ADCY9: variants seen among roughly 807,000 people sequenced by gnomAD.
ADCY9 encodes adenylate cyclase 9.
Under a neutral mutation model 101.5 loss-of-function variants are expected in ADCY9, and 50 were observed. That is an observed-to-expected ratio of 0.49 (90% confidence interval 0.39 to 0.62). The LOEUF (loss-of-function observed/expected upper bound fraction) is 0.62. Ranked by LOEUF, ADCY9 falls within the 20% of genes least tolerant of loss-of-function variation. The pLI is 0.00. For missense variants in ADCY9, 1,662 were observed against 1,800.4 expected, an observed-to-expected ratio of 0.92 and a Z score of 1.39; for synonymous variants, 905 against 769.3, an observed-to-expected ratio of 1.18 and a Z score of -2.92.
intron 5 of ADCY9, among the ~76,000 whole-genome samples, chr16:3,956,770 C>A (rs552536337): frequency 6.6e-6 from 1 of 151,714 alleles, no homozygotes; most frequent in African/African-American, 2.4e-5. Flanking sequence ...GCTGAGACTA[C>A]AGGCGTGAGC....
intron 2 of ADCY9, among the ~76,000 whole-genome samples, chr16:4,049,098 C>T (rs1310083085): frequency 1.3e-5 from 2 of 152,198 alleles, no homozygotes; most frequent in Admixed American, 1.3e-4. Flanking sequence ...AAGCGACTCA[C>T]AGGGCTCACC....
At position 3,966,864 on chromosome 16, in the gene ADCY9, C is replaced by G; in HGVS notation, c.2973G>C (p.Leu991Phe). Residue 991 changes from leucine (L) to phenylalanine (F), a missense_variant, in exon 11 of 11, where the codon TTG (leucine) becomes TTC (phenylalanine). This residue lies in a region of ADCY9 where 624 missense variants were observed against 639.1 expected (regional missense o/e 0.98). Coordinates refer to ENST00000294016, the MANE Select transcript of ADCY9 (RefSeq NM_001116.4). ...EVVLVFFLLLLLVWFLNREFE... is the reference protein window; with the variant it reads ...EVVLVFFLLLFLVWFLNREFE... ...ATTCGCGATTCAGGAACCAGACCAACAAGAGCAGGAGAAAGAAGACGAGAA... is the reference window on the plus strand; with the variant it reads ...ATTCGCGATTCAGGAACCAGACCAAGAAGAGCAGGAGAAAGAAGACGAGAA... The G allele has an allele frequency of 6.2e-7, 1 of 1,614,188 alleles. No homozygotes were observed. Among genetic ancestry groups the G allele is most frequent in the Non-Finnish European group, 8.5e-7 (1 of 1,180,036 alleles).
At chr16:4,032,308 G>C (rs117047765) in intron 2 of ADCY9, among the ~76,000 whole-genome samples, 1 of 151,434 alleles carries the variant, frequency 6.6e-6, no homozygotes, top group Non-Finnish European at 1.5e-5. Flanking sequence ...AAGAAAGAAC[G>C]AAAGAAAGAA....
At chr16:4,099,332 C>G (rs1359854853) in intron 2 of ADCY9, among the ~76,000 whole-genome samples, 1 of 152,192 alleles carries the variant, frequency 6.6e-6, no homozygotes, top group Non-Finnish European at 1.5e-5. Context: ...ACATTGCTCT[C>G]AATTGTAGGA....
chr16:4,108,948 C>T (rs762053307), intron 2 of ADCY9, among the ~76,000 whole-genome samples: 12 of 150,750 alleles, frequency 8.0e-5, no homozygotes, highest in Admixed American at 5.3e-4. Flanking sequence ...TCAGGTGATC[C>T]GCCTACCTCG....
chr16:4,053,537 C>A (rs1409660021), intron 2 of ADCY9, among the ~76,000 whole-genome samples: 2 of 152,216 alleles, frequency 1.3e-5, no homozygotes, highest in East Asian at 3.8e-4. Context: ...CTTGTCGCCA[C>A]AATGGCTGAT....
At chr16:4,101,075 A>T (rs1032683599) in intron 2 of ADCY9, among the ~76,000 whole-genome samples, 1 of 152,178 alleles carries the variant, frequency 6.6e-6, no homozygotes, top group African/African-American at 2.4e-5. Context: ...TCCTCGCAGC[A>T]ATTCTGTGAG....
chr16:3,968,501 T>C (rs1488146195), intron 10 of ADCY9, among the ~76,000 whole-genome samples: 1 of 152,224 alleles, frequency 6.6e-6, no homozygotes, highest in Non-Finnish European at 1.5e-5. Context: ...CTATACTCTC[T>C]ACCTGTATAA....
chr16:4,084,981 G>A (rs567145582), intron 2 of ADCY9, among the ~76,000 whole-genome samples: 3 of 152,130 alleles, frequency 2.0e-5, no homozygotes, highest in Non-Finnish European at 4.4e-5. Context: ...GTCTTCAGAC[G>A]CCTGTCTCTC....
chr16:4,107,420 G>A (rs527323621), intron 2 of ADCY9, among the ~76,000 whole-genome samples: 51 of 151,686 alleles, frequency 3.4e-4, no homozygotes, highest in Non-Finnish European at 5.0e-4. Flanking sequence ...GCGTGGTGGC[G>A]CACACCTGTA....
rs186662227 is a variant in ADCY9 at position 4,019,250 on chromosome 16, G to A, written c.1694-11692C>T. ...TCCGGCCTCAGCCTGCCAAAGTGCTGGAATTACAGGCATGAACCACCATGC... is the reference window on the plus strand; with the variant it reads ...TCCGGCCTCAGCCTGCCAAAGTGCTAGAATTACAGGCATGAACCACCATGC... On this transcript the variant is annotated intron_variant, in intron 2 of 10. Coordinates refer to ENST00000294016, the MANE Select transcript of ADCY9 (RefSeq NM_001116.4). 5.9e-5 allele frequency among the ~76,000 whole-genome samples: 9 copies of A among 152,210 alleles called. No homozygotes were observed. The South Asian group carries it at 6.2e-4, about 11-fold the overall frequency.
chr16:4,058,097 T>G, intron 2 of ADCY9, among the ~76,000 whole-genome samples: 1 of 150,848 alleles, frequency 6.6e-6, no homozygotes, highest in Non-Finnish European at 1.5e-5. Context: ...AGGTGGAGGT[T>G]GCAGTGAGCC....
intron 2 of ADCY9, among the ~76,000 whole-genome samples, chr16:4,031,650 G>A (rs1361059049): frequency 3.3e-5 from 5 of 152,218 alleles, no homozygotes; most frequent in South Asian, 2.1e-4. Flanking sequence ...TTGGGAGGCC[G>A]AGGCGGGTGG....
At chr16:4,081,774 G>C (rs2056904294) in intron 2 of ADCY9, among the ~76,000 whole-genome samples, 1 of 146,438 alleles carries the variant, frequency 6.8e-6, no homozygotes, top group African/African-American at 2.5e-5. Flanking sequence ...GTGGGGGGAG[G>C]GTGCTGTGTC....
Position 4,050,709 on chromosome 16 carries a change from G to A in ADCY9, c.1694-43151C>T, listed in dbSNP as rs1430248191. Reference sequence around the variant, plus strand: ...GTCTTGGCAACAAGAGTGAAACTCCGTCTCAAAAAAAAAAAAAAAAAAAAA... The same window carrying A: ...GTCTTGGCAACAAGAGTGAAACTCCATCTCAAAAAAAAAAAAAAAAAAAAA... On this transcript the variant is annotated intron_variant, in intron 2 of 10. Coordinates refer to ENST00000294016, the MANE Select transcript of ADCY9 (RefSeq NM_001116.4). Among the ~76,000 whole-genome samples the A allele has an allele frequency of 7.9e-4, 36 of 45,688 alleles. No individual in the cohort carries two copies. In the South Asian group the frequency reaches 0.011, roughly 13 times the overall value. The allele number at this position is 45,688 out of a possible 152,430, so 30.0% of individuals were successfully genotyped here.
chr16:4,071,349 A>T (rs1597207710), intron 2 of ADCY9, among the ~76,000 whole-genome samples: 1 of 150,468 alleles, frequency 6.6e-6, no homozygotes, highest in African/African-American at 2.4e-5. Flanking sequence ...AAAAAAAAAA[A>T]AAAAAAAAAA....
Position 4,047,497 on chromosome 16 carries a change from G to A in ADCY9, c.1694-39939C>T, listed in dbSNP as rs553260436. On this transcript the variant is annotated intron_variant, in intron 2 of 10. Transcript: ENST00000294016. Reference sequence around the variant, plus strand: ...TTAAAAAAATCTTCAGTTCTCCCTGGGGGGCAATTGGATTGACAATTGCAA... The same window carrying A: ...TTAAAAAAATCTTCAGTTCTCCCTGAGGGGCAATTGGATTGACAATTGCAA... Among the ~76,000 whole-genome samples, 10 of 141,068 alleles carry A rather than the reference G, an allele frequency of 7.1e-5. No homozygotes were observed. In the South Asian group the frequency reaches 2.1e-3, roughly 29 times the overall value. 92.5% of individuals were successfully genotyped at this position (141,068 alleles called of 152,430 possible).
At chr16:4,004,530 G>C (rs1023184435) in intron 3 of ADCY9, among the ~76,000 whole-genome samples, 1 of 152,212 alleles carries the variant, frequency 6.6e-6, no homozygotes, top group African/African-American at 2.4e-5. Context: ...TCTGACTTCA[G>C]TCCTTCGCCT....
At chr16:4,024,945 C>G (rs1341735129) in intron 2 of ADCY9, among the ~76,000 whole-genome samples, 1 of 152,116 alleles carries the variant, frequency 6.6e-6, no homozygotes, top group Non-Finnish European at 1.5e-5. Flanking sequence ...GGCCAGAGAT[C>G]CACTGTCCAT....
Sources: allele counts gnomAD v4.1 joint callset (sites outside exome capture counted in the v4.1 genomes callset), GRCh38; gene constraint gnomAD v4.1.1; regional missense constraint gnomAD v4.1.1; transcripts MANE v1.5; gene names NCBI Gene and HGNC (gene_info 2026-07-23, HGNC 2026-07-21).